The following TBC1D22A variants were observed in gnomAD, a reference collection of about 807,000 sequenced individuals.
The protein encoded by TBC1D22A is putative GTPase activator.
TBC1D22A carries 38 observed loss-of-function variants against 60.2 expected under a neutral mutation model. That is an observed-to-expected ratio of 0.63 (90% CI 0.49 to 0.83). TBC1D22A has a LOEUF of 0.83. Ranked by LOEUF, TBC1D22A falls within the 40% of genes least tolerant of loss-of-function variation. The probability of loss-of-function intolerance (pLI) is 0.00; values close to 1 mark genes in which losing one functional copy is unlikely to be tolerated. For synonymous variants in TBC1D22A, 302 were observed against 281.7 expected (o/e 1.07, Z -0.72); for missense variants, 628 against 701.0 (o/e 0.90, Z 1.18).
At chr22:46,775,849 C>G (rs560644964) in intron 1 of TBC1D22A, among the ~76,000 whole-genome samples, 23 of 152,328 alleles carry the variant, frequency 1.5e-4, no homozygotes, top group African/African-American at 5.1e-4. Flanking sequence ...GAAGTTAATT[C>G]CTTCAAAGAT....
intron 12 of TBC1D22A, among the ~76,000 whole-genome samples, chr22:47,120,195 G>A (rs956745165): frequency 7.2e-5 from 11 of 152,098 alleles, no homozygotes; most frequent in Non-Finnish European, 1.3e-4. Flanking sequence ...AGATTCAGTA[G>A]CTTTTCCTGA....
At chr22:46,843,775 A>G (rs1377710621) in intron 4 of TBC1D22A, among the ~76,000 whole-genome samples, 4 of 152,106 alleles carry the variant, frequency 2.6e-5, no homozygotes, top group Non-Finnish European at 4.4e-5. Context: ...GAAGGAGGCC[A>G]AGCTTTTCTG....
intron 12 of TBC1D22A, among the ~76,000 whole-genome samples, chr22:47,163,304 A>G (rs538994885): frequency 7.2e-5 from 11 of 152,290 alleles, no homozygotes; most frequent in Middle Eastern, 3.4e-3. Context: ...GCCTGCACTC[A>G]TCCTCATCCT....
At chr22:46,836,533 T>A (rs2086529623) in intron 4 of TBC1D22A, among the ~76,000 whole-genome samples, 1 of 149,112 alleles carries the variant, frequency 6.7e-6, no homozygotes, top group Admixed American at 6.7e-5. Flanking sequence ...AAAAAAAAAA[T>A]CATCACAACA....
intron 11 of TBC1D22A, among the ~76,000 whole-genome samples, chr22:47,099,582 A>T (rs1242393785): frequency 6.6e-6 from 1 of 151,808 alleles, no homozygotes; most frequent in East Asian, 1.9e-4. Context: ...AGTAGCTGGG[A>T]CTACAGGCAT....
At chr22:47,055,001 G>C (rs1210993981) in intron 11 of TBC1D22A, among the ~76,000 whole-genome samples, 1 of 152,234 alleles carries the variant, frequency 6.6e-6, no homozygotes, top group Non-Finnish European at 1.5e-5. Context: ...GCGCAGCTGG[G>C]TGGCAGTGGG....
At chr22:46,861,700 G>A (rs1429501148) in intron 4 of TBC1D22A, among the ~76,000 whole-genome samples, 3 of 152,218 alleles carry the variant, frequency 2.0e-5, no homozygotes, top group South Asian at 2.1e-4. Flanking sequence ...ATGTCCCCCC[G>A]CTCAGAACCC....
At chr22:46,842,005 A>G (rs1484924896) in intron 4 of TBC1D22A, among the ~76,000 whole-genome samples, 1 of 152,206 alleles carries the variant, frequency 6.6e-6, no homozygotes, top group Non-Finnish European at 1.5e-5. Context: ...CTGGAAAAAA[A>G]TTGCATCCAG....
chr22:46,762,853 G>A lies in TBC1D22A; in HGVS notation c.62+5G>A. 2.0e-6 allele frequency: 3 copies of A among 1,469,682 alleles called. No individual in the cohort carries two copies. The highest frequency in any genetic ancestry group is 2.7e-6 in the Non-Finnish European group (3 of 1,116,554). The allele number at this position is 1,469,682 out of a possible 1,614,324, so 91.0% of individuals were successfully genotyped here. ...CAACAGCAAGCTCCCGGGCAGGTGG[G>A]TGTGCCGCGGAGGGCCAGGTCGGGG... On this transcript the variant is annotated splice_donor_5th_base_variant and intron_variant, in intron 1 of 12. Coordinates refer to ENST00000337137, the MANE Select transcript of TBC1D22A (RefSeq NM_014346.5).
intron 8 of TBC1D22A, among the ~76,000 whole-genome samples, chr22:46,932,590 A>G (rs1201766078): frequency 2.0e-5 from 3 of 151,530 alleles, no homozygotes; most frequent in South Asian, 4.2e-4. Flanking sequence ...TCTCCTCCCC[A>G]TGGTTTTCCA....
chr22:46,779,342 A>T (rs1052132558), intron 1 of TBC1D22A, among the ~76,000 whole-genome samples: 1 of 151,834 alleles, frequency 6.6e-6, no homozygotes. Context: ...AAATGTCGTT[A>T]TGTGGTGCGT....
rs145498680 is a variant in TBC1D22A, at chr22:46,912,333, A to G, written c.1015+145A>G. Reference sequence around the variant, plus strand: ...TTAGAGAATAATAGTTTTCTCATCAACAACAGCTTTCCAAAATGTCTTTAA... The same window carrying G: ...TTAGAGAATAATAGTTTTCTCATCAGCAACAGCTTTCCAAAATGTCTTTAA... On this transcript the variant is annotated intron_variant, in intron 8 of 12. Coordinates refer to ENST00000337137, the MANE Select transcript of TBC1D22A (RefSeq NM_014346.5). 5.1e-4 allele frequency: 293 copies of G among 571,276 alleles called. 1 individual carries two copies. Among genetic ancestry groups the G allele is most frequent in the African/African-American group, 4.9e-3 (258 of 52,482 alleles). The allele number at this position is 571,276 out of a possible 1,614,324, so 35.4% of individuals were successfully genotyped here. A position where few individuals can be genotyped will look rare whatever the true frequency, so the allele number is the denominator to read the frequency against.
intron 9 of TBC1D22A, among the ~76,000 whole-genome samples, chr22:46,994,125 T>C (rs1024616992): frequency 6.6e-6 from 1 of 152,246 alleles, no homozygotes; most frequent in African/African-American, 2.4e-5. Context: ...ATTCTTTTTT[T>C]TTAATTGTTT....
chr22:46,804,708 T>C (rs1409516271), intron 4 of TBC1D22A, among the ~76,000 whole-genome samples: 1 of 152,246 alleles, frequency 6.6e-6, no homozygotes, highest in East Asian at 1.9e-4. Context: ...TTTTATTTAC[T>C]ATCCATAGTA....
intron 7 of TBC1D22A, among the ~76,000 whole-genome samples, chr22:46,911,332 T>TA (rs2069903723): frequency 6.6e-6 from 1 of 152,202 alleles, no homozygotes; most frequent in Non-Finnish European, 1.5e-5. Context: ...TGAATGGTGA[T>TA]ACCTTTTCAG....
intron 12 of TBC1D22A, among the ~76,000 whole-genome samples, chr22:47,123,648 C>T (rs532150487): frequency 6.6e-6 from 1 of 152,348 alleles, no homozygotes; most frequent in East Asian, 1.9e-4. Context: ...TGGCTTCATG[C>T]AGGTTTCTCT....
chr22:47,062,087 C>CAAAAAAAAAAAAAAAAAAAAAAAAAAA (rs908701365), intron 11 of TBC1D22A, among the ~76,000 whole-genome samples: 1 of 63,006 alleles, frequency 1.6e-5, no homozygotes, highest in African/African-American at 7.2e-5. Context: ...GACTCCATCT[C>CAAAAAAAAAAAAAAAAAAAAAAAAAAA]AAAAAAAAAA....
Position 46,804,403 on chromosome 22 carries a change from T to C in TBC1D22A, c.637+6783T>C, listed in dbSNP as rs148155639. Among the ~76,000 whole-genome samples, 9 of 152,174 alleles carry C rather than the reference T, an allele frequency of 5.9e-5. No individual in the cohort carries two copies. In the East Asian group the frequency reaches 1.7e-3, roughly 29 times the overall value. ...TTTCCACATGCTGTATTAACTAGAG[T>C]TGTGCTTGCTTTTTCTCTCTAATTT... On this transcript the variant is annotated intron_variant, in intron 4 of 12. Transcript: ENST00000337137.
At position 47,134,198 on chromosome 22, in the gene TBC1D22A, C is replaced by T. The variant is rs150711569; in HGVS notation, c.1425+22595C>T. 5.3e-5 allele frequency among the ~76,000 whole-genome samples: 8 copies of T among 152,332 alleles called. No homozygotes were observed. The East Asian group carries it at 1.3e-3, about 26-fold the overall frequency. On this transcript the variant is annotated intron_variant, in intron 12 of 12. Transcript: ENST00000337137. Reference sequence around the variant, plus strand: ...CATTAATTGAAAAGCCCTTATTATCCCATTGGTGGTGTTTGATATCTAAGG... The same window carrying T: ...CATTAATTGAAAAGCCCTTATTATCTCATTGGTGGTGTTTGATATCTAAGG...
Sources: gnomAD v4.1 joint callset for allele counts (sites outside exome capture counted in the v4.1 genomes callset) on GRCh38, gnomAD v4.1.1 for gene constraint, MANE v1.5 for transcripts, NCBI Gene and HGNC (gene_info 2026-07-23, HGNC 2026-07-21) for gene names.